Variants in TULP3 observed in about 807,000 individuals in gnomAD.
The protein encoded by TULP3 is tubby-related protein 3.
Under a neutral mutation model 50.7 loss-of-function variants are expected in TULP3, and 38 were observed. The ratio of observed to expected loss-of-function variants is 0.75; its 90% CI spans 0.58 to 0.98. The LOEUF (loss-of-function observed/expected upper bound fraction) is 0.98. Ranked by LOEUF, TULP3 falls within the 50% of genes least tolerant of loss-of-function variation. TULP3 has a pLI of 0.00. For missense variants in TULP3, 550 were observed against 568.0 expected (o/e 0.97, Z 0.32); for synonymous variants, 183 against 196.6 (o/e 0.93, Z 0.58).
At chr12:2,911,242 G>A (rs1460093223) in intron 2 of TULP3, among the ~76,000 whole-genome samples, 1 of 151,820 alleles carries the variant, frequency 6.6e-6, no homozygotes, top group Non-Finnish European at 1.5e-5. Context: ...AAAAACATAA[G>A]AATTCAAATA....
chr12:2,935,933 C>T (rs1407706454), intron 8 of TULP3, among the ~76,000 whole-genome samples: 1 of 151,778 alleles, frequency 6.6e-6, no homozygotes. Context: ...TCACACCATG[C>T]ACTCTAGCCT....
At chr12:2,912,982 T>TCTTC (rs61121633) in intron 2 of TULP3, among the ~76,000 whole-genome samples, 1 of 150,126 alleles carries the variant, frequency 6.7e-6, no homozygotes, top group Non-Finnish European at 1.5e-5. Flanking sequence ...TTTTTTTTTT[T>TCTTC]TTCTTCTTTT....
At chr12:2,923,873 G>A (rs2098193200) in intron 4 of TULP3, among the ~76,000 whole-genome samples, 1 of 150,764 alleles carries the variant, frequency 6.6e-6, no homozygotes. Flanking sequence ...CCAGCTACTT[G>A]GGGGGCTGAG....
At chr12:2,907,715 GTTTTTGTTTTATCT>G (rs897356949) in intron 1 of TULP3, among the ~76,000 whole-genome samples, 1 of 118,066 alleles carries the variant, frequency 8.5e-6, no homozygotes, top group Non-Finnish European at 1.7e-5. Flanking sequence ...CTCTAGTTTT[GTTTTTGTTTTATCT>G]TTTTTTGTCA....
At chr12:2,933,035 T>C (rs10848750) in intron 6 of TULP3, among the ~76,000 whole-genome samples, 72,707 of 151,632 alleles carry the variant, frequency 0.48, 17,943 homozygotes, top group African/African-American at 0.6. Context: ...CTCCGCCTCC[T>C]GGGTTCATGC....
At position 2,940,683 on chromosome 12, in the gene TULP3, C is replaced by G; in HGVS notation, c.*1239C>G. ...ACCTCCCTTCTGTGGACTGACCTCT[C>G]ACCTCCGCCTGTTGTTCCTGCACCA... On this transcript the variant is annotated 3_prime_UTR_variant, in exon 11 of 11. Transcript: ENST00000448120. 1 of 1,551,700 alleles carries G rather than the reference C, an allele frequency of 6.4e-7. No homozygotes were observed. The highest frequency in any genetic ancestry group is 8.7e-7 in the Non-Finnish European group (1 of 1,146,982).
chr12:2,895,224 G>A (rs760670798), intron 1 of TULP3, among the ~76,000 whole-genome samples: 4 of 152,120 alleles, frequency 2.6e-5, no homozygotes, highest in Non-Finnish European at 5.9e-5. Flanking sequence ...TCAAATCAGC[G>A]GCCAGCCTTT....
chr12:2,905,473 C>G (rs1012656135), intron 1 of TULP3, among the ~76,000 whole-genome samples: 7 of 152,118 alleles, frequency 4.6e-5, no homozygotes, highest in Non-Finnish European at 1.0e-4. Flanking sequence ...CATGAGCCAC[C>G]GCACCCGGCC....
chr12:2,933,744 A>G (rs2098199580), intron 7 of TULP3, among the ~76,000 whole-genome samples: 1 of 152,120 alleles, frequency 6.6e-6, no homozygotes, highest in African/African-American at 2.4e-5. Flanking sequence ...TGAAGTCAGG[A>G]GTTGGAGTCC....
chr12:2,907,358 C>A (rs1164726755), intron 1 of TULP3, among the ~76,000 whole-genome samples: 2 of 151,454 alleles, frequency 1.3e-5, no homozygotes, highest in East Asian at 3.9e-4. Flanking sequence ...ACCTATAGTC[C>A]CAGGTACTTG....
chr12:2,917,615 T>C (rs562536762), intron 2 of TULP3, among the ~76,000 whole-genome samples: 60 of 152,132 alleles, frequency 3.9e-4, no homozygotes, highest in Middle Eastern at 6.8e-3. Flanking sequence ...CGGTGGCTCA[T>C]GCCTGTAATC....
chr12:2,896,708 G>A (rs2098175749), intron 1 of TULP3, among the ~76,000 whole-genome samples: 1 of 152,040 alleles, frequency 6.6e-6, no homozygotes, highest in African/African-American at 2.4e-5. Flanking sequence ...AAATCTACAA[G>A]GTAGGTGCTA....
rs775250805 is a variant in TULP3, at chr12:2,939,485, T to C, written c.*41T>C. The C allele has an allele frequency of 1.2e-6, 2 of 1,610,620 alleles. No individual in the cohort carries two copies. Among genetic ancestry groups the C allele is most frequent in the South Asian group, 2.2e-5 (2 of 90,538 alleles). Reference sequence around the variant, plus strand: ...GGGAGCCCTTCTCCCCACAGAGCTTTCAGGAGCAGACAGTGGCCTCCCCTT... The same window carrying C: ...GGGAGCCCTTCTCCCCACAGAGCTTCCAGGAGCAGACAGTGGCCTCCCCTT... On this transcript the variant is annotated 3_prime_UTR_variant, in exon 11 of 11. Coordinates refer to ENST00000448120, the MANE Select transcript of TULP3 (RefSeq NM_003324.5). This position sits in a 1 kb window ranked among gnomAD's most constrained non-coding sequence, Gnocchi z 4.0.
chr12:2,899,041 C>A (rs1030749661), intron 1 of TULP3, among the ~76,000 whole-genome samples: 4 of 151,944 alleles, frequency 2.6e-5, no homozygotes, highest in Admixed American at 2.6e-4. Flanking sequence ...TATTTTTAAC[C>A]TTTTAAAAAT....
In TULP3 at chr12:2,939,804, AACAC is replaced by A. The variant is rs1166104462; in HGVS notation, c.*369_*372del. On this transcript the variant is annotated 3_prime_UTR_variant, in exon 11 of 11. Coordinates refer to ENST00000448120, the MANE Select transcript of TULP3 (RefSeq NM_003324.5). This position sits in a 1 kb window ranked among gnomAD's most constrained non-coding sequence, Gnocchi z 4.0. ...TTTGGAACGACCCCTGAATATATAAAACACACACACACCCCGCGCACTCTCACTC... is the reference window on the plus strand; with the variant it reads ...TTTGGAACGACCCCTGAATATATAAAACACACACCCCGCGCACTCTCACTC... 2.5e-6 allele frequency: 3 copies of A among 1,189,798 alleles called. No individual in the cohort carries two copies. The highest frequency in any genetic ancestry group is 3.2e-6 in the Non-Finnish European group (3 of 942,858). 73.7% of individuals were successfully genotyped at this position (1,189,798 alleles called of 1,614,324 possible).
chr12:2,938,138 T>A lies in TULP3; in HGVS notation c.1048T>A (p.Trp350Arg). 1.2e-6 allele frequency: 2 copies of A among 1,614,206 alleles called. No individual in the cohort carries two copies. Among genetic ancestry groups the A allele is most frequent in the Non-Finnish European group, 1.7e-6 (2 of 1,180,026 alleles). Residue 350 changes from tryptophan to arginine, a missense_variant, in exon 10 of 11, where the codon TGG becomes AGG. Physicochemically the swap from Trp to Arg is moderately radical, Grantham distance 101. Transcript: ENST00000448120. ...QNNHDSLLSR[W>R]QNRTMENLVE... ...GAACCATGACAGTTTGCTCTCAAGG[T>A]GGCAGAACAGAACTATGGAAAATCT... is the stretch of plus-strand genomic sequence containing the variant.
At chr12:2,893,481 C>T (rs1296376097) in intron 1 of TULP3, among the ~76,000 whole-genome samples, 1 of 151,958 alleles carries the variant, frequency 6.6e-6, no homozygotes, top group Non-Finnish European at 1.5e-5. Context: ...CCACCGTGCC[C>T]GGCTAATTTT....
chr12:2,891,224 T>C (rs541973254), intron 1 of TULP3, among the ~76,000 whole-genome samples: 126 of 152,220 alleles, frequency 8.3e-4, no homozygotes, highest in African/African-American at 2.5e-3. Flanking sequence ...GACCTTTGGT[T>C]CAGGTCCCTG....
rs1001090617 is a variant in TULP3 at position 2,918,240 on chromosome 12, A to G, written c.94-2523A>G. ...GTGATTCTCCTGCCTCAGCCTCCCA[A>G]GTAGCCGGGATTACAGGCGCTTGCC... On this transcript the variant is annotated intron_variant, in intron 2 of 10. Transcript: ENST00000448120. Among the ~76,000 whole-genome samples, 20 of 148,988 alleles carry G rather than the reference A, an allele frequency of 1.3e-4. No homozygotes were observed. In the South Asian group the frequency reaches 1.8e-3, roughly 13 times the overall value.
Sources: gnomAD v4.1 joint callset for allele counts (sites outside exome capture counted in the v4.1 genomes callset) on GRCh38, gnomAD v4.1.1 for gene constraint, Gnocchi (gnomAD v3.1) non-coding constraint, MANE v1.5 for transcripts, NCBI Gene and HGNC (gene_info 2026-07-23, HGNC 2026-07-21) for gene names.